Variants in RBFOX1 observed in about 807,000 individuals in gnomAD.
The protein encoded by RBFOX1 is RNA binding fox-1 homolog 1.
Under a neutral mutation model 57.7 loss-of-function variants are expected in RBFOX1, and 8 were observed. The ratio of observed to expected loss-of-function variants is 0.14; its 90% CI spans 0.08 to 0.25. The LOEUF is 0.25. RBFOX1 is among the 10% of genes least tolerant of loss of function. RBFOX1 has a pLI of 1.00. For synonymous variants in RBFOX1, 326 were observed against 222.4 expected (o/e 1.47, Z -4.15); for missense variants, 611 against 548.5 (o/e 1.11, Z -1.14).
At chr16:5,782,528 A>G (rs74006288) in intron 3 of RBFOX1, among the ~76,000 whole-genome samples, 4,083 of 152,294 alleles carry the variant, frequency 0.027, 185 homozygotes, top group African/African-American at 0.091. Flanking sequence ...AATTTGGGCA[A>G]ATACATCTAG....
intron 2 of RBFOX1, among the ~76,000 whole-genome samples, chr16:6,466,196 C>T (rs1242295936): frequency 6.7e-6 from 1 of 149,482 alleles, no homozygotes; most frequent in East Asian, 2.0e-4. Context: ...CACCACTGCA[C>T]TCCAGCCTGG....
intron 4 of RBFOX1, among the ~76,000 whole-genome samples, chr16:7,193,375 C>G (rs1380331993): frequency 6.6e-6 from 1 of 152,216 alleles, no homozygotes; most frequent in African/African-American, 2.4e-5. Flanking sequence ...GCCCCACAAA[C>G]TCCTTAATTG....
At chr16:5,801,870 T>C (rs1417596604) in intron 3 of RBFOX1, among the ~76,000 whole-genome samples, 3 of 152,248 alleles carry the variant, frequency 2.0e-5, no homozygotes, top group Admixed American at 6.5e-5. Context: ...TTATGGAAGT[T>C]GTGTATGCAG....
intron 4 of RBFOX1, among the ~76,000 whole-genome samples, chr16:7,495,723 A>G (rs1175533397): frequency 1.3e-5 from 2 of 152,102 alleles, no homozygotes; most frequent in African/African-American, 4.8e-5. Context: ...ACCTTTTTAC[A>G]TTTATTTTAA....
At position 6,577,999 on chromosome 16, in the gene RBFOX1, A is replaced by C. The variant is rs1405300581; in HGVS notation, c.-63-76604A>C. Among the ~76,000 whole-genome samples, 3 of 152,226 alleles carry C rather than the reference A, an allele frequency of 2.0e-5. No homozygotes were observed. The East Asian group carries it at 5.8e-4, about 29-fold the overall frequency. ...TAGGAAAGCACAGGTTTTGTGATGA[A>C]GGGTGTCACCCAACAGTGCTTATTT... On this transcript the variant is annotated intron_variant, in intron 2 of 15. Transcript: ENST00000550418.
intron 4 of RBFOX1, among the ~76,000 whole-genome samples, chr16:7,380,911 G>A (rs775767874): frequency 6.6e-6 from 1 of 152,136 alleles, no homozygotes; most frequent in Non-Finnish European, 1.5e-5. Flanking sequence ...AATGTCCTCC[G>A]TAAAGTGTAA....
intron 2 of RBFOX1, chr16:5,467,364 A>G (rs1019351340): frequency 1.9e-6 from 2 of 1,066,084 alleles, no homozygotes; most frequent in Non-Finnish European, 2.7e-6. Flanking sequence ...CAGGGCAGAC[A>G]TCTGTAATCA....
chr16:5,240,173 G>A lies in RBFOX1; in HGVS notation c.219+68G>A, dbSNP rs2062128596. On this transcript the variant is annotated intron_variant, in intron 1 of 2. Transcript: ENST00000585867. ...GGGGGTGCCGGAGACGCGGGGTAGG[G>A]GCTGCGGGAGGCTCCGTGGCCGGCC... The A allele has an allele frequency of 2.8e-6, 3 of 1,070,978 alleles. No homozygotes were observed. In the African/African-American group the frequency reaches 4.7e-5, roughly 17 times the overall value. The allele number at this position is 1,070,978 out of a possible 1,614,324, so 66.3% of individuals were successfully genotyped here.
intron 3 of RBFOX1, among the ~76,000 whole-genome samples, chr16:5,784,218 G>A (rs148351268): frequency 0.023 from 3,511 of 152,154 alleles, 138 homozygotes; most frequent in African/African-American, 0.078. Context: ...TCAGGAGATC[G>A]AGACCATCCT....
intron 1 of RBFOX1, among the ~76,000 whole-genome samples, chr16:6,070,860 A>G (rs1223010423): frequency 1.3e-5 from 2 of 151,752 alleles, no homozygotes; most frequent in South Asian, 2.1e-4. Flanking sequence ...TTTACAAAGA[A>G]TCATTTGACA....
intron 3 of RBFOX1, among the ~76,000 whole-genome samples, chr16:6,896,563 C>T (rs185228026): frequency 1.3e-5 from 2 of 152,226 alleles, no homozygotes; most frequent in East Asian, 1.9e-4. Flanking sequence ...ACATAATAAT[C>T]TCCAGTTCCA....
intron 9 of RBFOX1, among the ~76,000 whole-genome samples, chr16:7,598,477 A>G (rs1163245776): frequency 7.9e-5 from 12 of 152,160 alleles, no homozygotes; most frequent in Non-Finnish European, 1.2e-4. Context: ...TTAATTGCAC[A>G]TGGAGATACG....
intron 2 of RBFOX1, among the ~76,000 whole-genome samples, chr16:6,540,932 A>G (rs945314889): frequency 4.6e-5 from 7 of 152,114 alleles, no homozygotes; most frequent in African/African-American, 1.7e-4. Context: ...GAGGTCTGGG[A>G]TTATCTGCTA....
intron 1 of RBFOX1, among the ~76,000 whole-genome samples, chr16:6,087,124 A>G (rs1408097840): frequency 6.6e-6 from 1 of 152,224 alleles, no homozygotes; most frequent in Admixed American, 6.5e-5. Flanking sequence ...GCAAATTTAG[A>G]TGATGAGATG....
chr16:7,710,860 ACAAAT>A lies in RBFOX1; in HGVS notation c.*116_*120del. 5 of 1,026,686 alleles carry A rather than the reference ACAAAT, an allele frequency of 4.9e-6. No individual in the cohort carries two copies. Among genetic ancestry groups the A allele is most frequent in the Non-Finnish European group, 6.4e-6 (5 of 780,770 alleles). 63.6% of individuals were successfully genotyped at this position (1,026,686 alleles called of 1,614,324 possible). ...TAGCAACTCTAAAAAAAAAAAAAATACAAATAAAAAGGAAAAAAAATTACATTTTT... is the reference window on the plus strand; with the variant it reads ...TAGCAACTCTAAAAAAAAAAAAAATAAAAAAGGAAAAAAAATTACATTTTT... On this transcript the variant is annotated 3_prime_UTR_variant, in exon 16 of 16. Coordinates refer to ENST00000550418, the MANE Select transcript of RBFOX1 (RefSeq NM_018723.4).
intron 4 of RBFOX1, among the ~76,000 whole-genome samples, chr16:7,238,626 C>T (rs890918546): frequency 6.6e-6 from 1 of 152,112 alleles, no homozygotes; most frequent in African/African-American, 2.4e-5. Flanking sequence ...ATATGCATTT[C>T]TTTCTCTCTT....
chr16:6,850,379 A>T (rs1363443038), intron 3 of RBFOX1, among the ~76,000 whole-genome samples: 1 of 152,182 alleles, frequency 6.6e-6, no homozygotes, highest in Non-Finnish European at 1.5e-5. Context: ...AACCCTACTT[A>T]GGTAGGTTGG....
intron 14 of RBFOX1, chr16:7,693,163 TC>T: frequency 1.6e-6 from 1 of 619,508 alleles, no homozygotes; most frequent in Middle Eastern, 2.6e-4. Context: ...TCATGATCTT[TC>T]TAAACTCTGA....
At chr16:5,457,657 A>G (rs2068670550) in intron 1 of RBFOX1, among the ~76,000 whole-genome samples, 2 of 152,208 alleles carry the variant, frequency 1.3e-5, no homozygotes, top group African/African-American at 4.8e-5. Flanking sequence ...AAGTTGTCTT[A>G]GTGCAGATAC....
Sources: gnomAD v4.1 joint callset for allele counts (sites outside exome capture counted in the v4.1 genomes callset) on GRCh38, gnomAD v4.1.1 for gene constraint, MANE v1.5 for transcripts, NCBI Gene and HGNC (gene_info 2026-07-23, HGNC 2026-07-21) for gene names.